PHKB: variants seen among roughly 807,000 people sequenced by gnomAD.
PHKB encodes the protein phosphorylase b kinase regulatory subunit beta.
A neutral mutation model predicts 152.1 loss-of-function variants in PHKB; 122 were observed. The ratio of observed to expected loss-of-function variants is 0.80; its 90% CI spans 0.69 to 0.93. The LOEUF is 0.93. Among genes scored for constraint, PHKB ranks in the 40% least tolerant of loss-of-function variants. The pLI is 0.00. For missense variants in PHKB, 1,304 were observed against 1,328.4 expected (o/e 0.98, Z 0.29); for synonymous variants, 436 against 464.9 (o/e 0.94, Z 0.80).
At chr16:47,545,910 G>A (rs571442395) in intron 6 of PHKB, among the ~76,000 whole-genome samples, 2 of 152,268 alleles carry the variant, frequency 1.3e-5, no homozygotes, top group East Asian at 1.9e-4. Flanking sequence ...CATGTGTCAC[G>A]TAGTTCTTGT....
intron 6 of PHKB, among the ~76,000 whole-genome samples, chr16:47,545,022 A>G (rs1391824086): frequency 2.0e-5 from 3 of 152,190 alleles, no homozygotes; most frequent in Non-Finnish European, 4.4e-5. Context: ...AGTACAGCAT[A>G]CTGATGAGTC....
chr16:47,668,726 A>G (rs1022245607), intron 25 of PHKB, among the ~76,000 whole-genome samples: 6 of 152,170 alleles, frequency 3.9e-5, no homozygotes, highest in Non-Finnish European at 8.8e-5. Flanking sequence ...TGAGGGCTAC[A>G]CAGGAACTGG....
intron 10 of PHKB, among the ~76,000 whole-genome samples, chr16:47,592,071 A>G (rs1314686497): frequency 1.3e-5 from 2 of 152,160 alleles, no homozygotes; most frequent in East Asian, 1.9e-4. Context: ...TTCCTGCACC[A>G]CACAGGACAG....
chr16:47,580,133 A>G (rs1307059052), intron 7 of PHKB, among the ~76,000 whole-genome samples, 162 bp from the exon 8 acceptor site: 1 of 152,144 alleles, frequency 6.6e-6, no homozygotes, highest in African/African-American at 2.4e-5. Flanking sequence ...GAAAAATTAA[A>G]ATAGTGAAAT....
chr16:47,597,638 G>T (rs929341366), intron 13 of PHKB, among the ~76,000 whole-genome samples: 2 of 151,252 alleles, frequency 1.3e-5, no homozygotes, highest in African/African-American at 2.4e-5. Flanking sequence ...TCCAAAGCGG[G>T]GGGGAAAGAC....
intron 25 of PHKB, among the ~76,000 whole-genome samples, chr16:47,668,747 A>C (rs1363114042): frequency 6.6e-6 from 1 of 152,188 alleles, no homozygotes. Context: ...GTGGCCTCAC[A>C]CCTGCCTTTG....
chr16:47,550,534 G>T (rs549010307), intron 7 of PHKB, among the ~76,000 whole-genome samples: 1 of 152,282 alleles, frequency 6.6e-6, no homozygotes, highest in Admixed American at 6.5e-5. Context: ...TCTGTACCAG[G>T]AGTCAGAGAG....
intron 14 of PHKB, among the ~76,000 whole-genome samples, chr16:47,620,450 A>G (rs1597129445): frequency 1.3e-5 from 2 of 152,228 alleles, no homozygotes; most frequent in Non-Finnish European, 2.9e-5. Flanking sequence ...AATATAAATA[A>G]AAGATGCAAG....
At chr16:47,488,652 C>G (rs1001697891) in intron 1 of PHKB, among the ~76,000 whole-genome samples, 12 of 152,190 alleles carry the variant, frequency 7.9e-5, no homozygotes, top group African/African-American at 2.7e-4. Flanking sequence ...CAGTTTCAAT[C>G]TTCTGCATAT....
intron 1 of PHKB, chr16:47,463,978 G>A (rs746670187): frequency 3.1e-6 from 5 of 1,612,094 alleles, no homozygotes; most frequent in South Asian, 1.1e-5. Context: ...TCCGTCTTCC[G>A]CTTTCTTAAG....
intron 1 of PHKB, among the ~76,000 whole-genome samples, chr16:47,472,577 T>C (rs1036934788): frequency 6.6e-6 from 1 of 151,506 alleles, no homozygotes; most frequent in Non-Finnish European, 1.5e-5. Flanking sequence ...GATCAGGAGA[T>C]CGAGACCATT....
chr16:47,501,613 C>A (rs1970326446), intron 3 of PHKB, among the ~76,000 whole-genome samples: 1 of 152,048 alleles, frequency 6.6e-6, no homozygotes, highest in African/African-American at 2.4e-5. Context: ...TACTTTCAAA[C>A]AATGAAGAAA....
At chr16:47,516,668 G>A (rs1466188888) in intron 6 of PHKB, among the ~76,000 whole-genome samples, 2 of 152,112 alleles carry the variant, frequency 1.3e-5, no homozygotes, top group Non-Finnish European at 2.9e-5. Flanking sequence ...TACAAAATAG[G>A]TGCATGTAGC....
chr16:47,514,264 A>C (rs770154456), intron 5 of PHKB, among the ~76,000 whole-genome samples: 6 of 152,102 alleles, frequency 3.9e-5, no homozygotes, highest in Non-Finnish European at 5.9e-5. Flanking sequence ...GACCCACACA[A>C]TTATGGAGGC....
At chr16:47,566,906 TG>T in intron 7 of PHKB, 1 of 622,178 alleles carries the variant, frequency 1.6e-6, no homozygotes, top group Non-Finnish European at 2.9e-6. Context: ...AGGTCAATAA[TG>T]GGTCACACTG....
At chr16:47,465,234 T>C (rs1189094957) in intron 1 of PHKB, among the ~76,000 whole-genome samples, 1 of 152,242 alleles carries the variant, frequency 6.6e-6, no homozygotes, top group African/African-American at 2.4e-5. Context: ...CATATATCTC[T>C]AGACTCTGTT....
chr16:47,555,757 G>C (rs1221348681), intron 7 of PHKB, among the ~76,000 whole-genome samples: 2 of 152,138 alleles, frequency 1.3e-5, no homozygotes, highest in Non-Finnish European at 2.9e-5. Context: ...TGGCGATGTG[G>C]GCTCGTTTTT....
intron 28 of PHKB, among the ~76,000 whole-genome samples, chr16:47,696,108 G>A (rs1241936427): frequency 1.3e-5 from 2 of 152,028 alleles, no homozygotes; most frequent in Admixed American, 1.3e-4. Context: ...TATTCCTTTT[G>A]TGTATTAAAG....
Position 47,518,270 on chromosome 16 carries a change from GCA to G in PHKB, c.594+2682_594+2683del, listed in dbSNP as rs372488712. Among the ~76,000 whole-genome samples the G allele has an allele frequency of 2.0e-5, 3 of 151,702 alleles. No homozygotes were observed. The South Asian group carries it at 6.2e-4, about 32-fold the overall frequency. ...TCAGAGTTTGGAGATATACATATGT[GCA>G]CACACACACACATACACATACATAT... On this transcript the variant is annotated intron_variant, in intron 6 of 30. Coordinates refer to ENST00000323584, the MANE Select transcript of PHKB (RefSeq NM_000293.3).
Sources: allele counts gnomAD v4.1 joint callset (sites outside exome capture counted in the v4.1 genomes callset), GRCh38; gene constraint gnomAD v4.1.1; transcripts MANE v1.5; gene names NCBI Gene and HGNC (gene_info 2026-07-23, HGNC 2026-07-21).